CWH43: variants seen among roughly 807,000 people sequenced by gnomAD.
CWH43 encodes the protein PGAP2-interacting protein.
CWH43 carries 91 observed loss-of-function variants against 85.7 expected under a neutral mutation model. The ratio of observed to expected loss-of-function variants is 1.06; its 90% CI spans 0.90 to 1.26. The LOEUF is 1.26. Among genes scored for constraint, CWH43 ranks in the 50% most tolerant of loss-of-function variants. CWH43 has a pLI of 0.00. For synonymous variants in CWH43, 323 were observed against 293.6 expected (o/e 1.10, Z -1.02); for missense variants, 869 against 839.2 (o/e 1.04, Z -0.44).
In CWH43 at chr4:49,003,726, C is replaced by T. The variant is rs762913506; in HGVS notation, c.803-9C>T. On this transcript the variant is annotated splice_polypyrimidine_tract_variant and intron_variant, in intron 6 of 15. Coordinates refer to ENST00000226432, the MANE Select transcript of CWH43 (RefSeq NM_025087.3). ...TTTCCTGTCTGATTCTTTTCTCTCTCACAAACAGGAACAGCTTCAGCTGCG... is the reference window on the plus strand; with the variant it reads ...TTTCCTGTCTGATTCTTTTCTCTCTTACAAACAGGAACAGCTTCAGCTGCG... The T allele has an allele frequency of 3.1e-6, 5 of 1,613,298 alleles. No individual in the cohort carries two copies. The East Asian group carries it at 8.9e-5, about 29-fold the overall frequency.
chr4:49,045,503 C>A (rs1287911864), intron 14 of CWH43, among the ~76,000 whole-genome samples: 1 of 151,936 alleles, frequency 6.6e-6, no homozygotes, highest in African/African-American at 2.4e-5. Flanking sequence ...TTTATTGTAC[C>A]TTTTCTATGT....
At chr4:49,005,277 G>C (rs750132342) in intron 7 of CWH43, among the ~76,000 whole-genome samples, 6 of 152,190 alleles carry the variant, frequency 3.9e-5, no homozygotes, top group Non-Finnish European at 5.9e-5. Flanking sequence ...TAGTGGTTAA[G>C]TCAGGGCATT....
rs1782564868 is a variant in CWH43 at position 48,988,653 on chromosome 4, A to C, written c.220A>C (p.Arg74=). The change falls in exon 2 of 16, where the codon AGG becomes CGG. Residue 74 remains arginine, a synonymous_variant. Transcript: ENST00000226432. The part of the protein sequence containing the change: ...VNKKWMLTLL[R]IITIGSIASF... Reference sequence around the variant, plus strand: ...CAAGAAGTGGATGCTAACCCTGCTGAGGATAATCACTATTGGTAAGATTTA... The same window carrying C: ...CAAGAAGTGGATGCTAACCCTGCTGCGGATAATCACTATTGGTAAGATTTA... The C allele has an allele frequency of 6.2e-7, 1 of 1,601,896 alleles. No individual in the cohort carries two copies. The highest frequency in any genetic ancestry group is 1.1e-5 in the South Asian group (1 of 88,466).
intron 13 of CWH43, among the ~76,000 whole-genome samples, chr4:49,043,887 T>A (rs1784543059): frequency 6.6e-6 from 1 of 152,024 alleles, no homozygotes; most frequent in South Asian, 2.1e-4. Context: ...AAGGTATATG[T>A]ATGTGTGTAT....
intron 10 of CWH43, 24 bp from the exon 11 acceptor site, chr4:49,030,801 T>A: frequency 6.5e-7 from 1 of 1,548,640 alleles, no homozygotes; most frequent in South Asian, 1.3e-5. Flanking sequence ...CATCACTGTA[T>A]GCTACTTTTT....
In CWH43 at chr4:49,028,284, T is replaced by C. The variant is rs192900303; in HGVS notation, c.1267-345T>C. Among the ~76,000 whole-genome samples, 1,151 of 152,288 alleles carry C rather than the reference T, an allele frequency of 7.6e-3. 22 individuals are homozygous for C. The highest frequency in any genetic ancestry group is 0.014 in the Middle Eastern group (4 of 294). On this transcript the variant is annotated intron_variant, in intron 9 of 15. Coordinates refer to ENST00000226432, the MANE Select transcript of CWH43 (RefSeq NM_025087.3). Reference sequence around the variant, plus strand: ...AGCCCTAATTCATTTATTAGGGCTGTGTAGTGTTCCATTCCACATAGCACC... The same window carrying C: ...AGCCCTAATTCATTTATTAGGGCTGCGTAGTGTTCCATTCCACATAGCACC...
At chr4:48,996,635 C>T (rs1240071189) in intron 5 of CWH43, among the ~76,000 whole-genome samples, 1 of 152,164 alleles carries the variant, frequency 6.6e-6, no homozygotes, top group Non-Finnish European at 1.5e-5. Context: ...CCTGTGAAAA[C>T]AAGCATAAGT....
intron 7 of CWH43, among the ~76,000 whole-genome samples, chr4:49,006,465 TTA>T (rs1160746994): frequency 6.6e-6 from 1 of 152,176 alleles, no homozygotes; most frequent in Non-Finnish European, 1.5e-5. Context: ...AGTTATAAAT[TTA>T]TTTCCTGGAT....
intron 9 of CWH43, 122 bp from the exon 10 acceptor site, chr4:49,028,507 A>T (rs1312917721): frequency 1.2e-5 from 7 of 608,310 alleles, no homozygotes; most frequent in Non-Finnish European, 2.0e-5. Flanking sequence ...AATGTGGGAA[A>T]ATGTCTAAGG....
chr4:48,999,723 G>A (rs1338840588), intron 6 of CWH43, among the ~76,000 whole-genome samples: 1 of 152,140 alleles, frequency 6.6e-6, no homozygotes, highest in African/African-American at 2.4e-5. Flanking sequence ...GCTTTTCCGT[G>A]TTTCAAAAAT....
chr4:48,993,185 C>G (rs1782710212), intron 4 of CWH43, among the ~76,000 whole-genome samples: 1 of 152,226 alleles, frequency 6.6e-6, no homozygotes, highest in Admixed American at 6.5e-5. Flanking sequence ...CCTGCACCTT[C>G]TCAGCCTATC....
Position 49,037,784 on chromosome 4 carries a change from C to A in CWH43, c.1659-252C>A, listed in dbSNP as rs531841757. Among the ~76,000 whole-genome samples the A allele has an allele frequency of 9.5e-4, 144 of 152,260 alleles. 1 individual carries two copies. Among genetic ancestry groups the A allele is most frequent in the African/African-American group, 3.4e-3 (140 of 41,540 alleles). ...GAACAATGCTGTATTTAGAGTAGAT[C>A]TTTAAATTGACTTGACTCCAAATGA... On this transcript the variant is annotated intron_variant, in intron 12 of 15. Transcript: ENST00000226432.
In CWH43 at chr4:48,988,565, T is replaced by C. The variant is rs1782562217; in HGVS notation, c.132T>C (p.Gly44=). The change falls in exon 2 of 16, where the codon GGT becomes GGC. Residue 44 remains glycine (G), a synonymous_variant. Coordinates refer to ENST00000226432, the MANE Select transcript of CWH43 (RefSeq NM_025087.3). ...CACTAGAACTCACTGGGCTTGAAGG[T>C]TTTAGTATAGCATTTCTTTCTCCAA... ...LQTLELTGLE[G]FSIAFLSPIF... The C allele has an allele frequency of 6.2e-7, 1 of 1,613,562 alleles. No individual in the cohort carries two copies. The highest frequency in any genetic ancestry group is 2.2e-5 in the East Asian group (1 of 44,876).
At chr4:48,987,136 T>C (rs1328478263) in intron 1 of CWH43, among the ~76,000 whole-genome samples, 1 of 152,088 alleles carries the variant, frequency 6.6e-6, no homozygotes, top group Non-Finnish European at 1.5e-5. Flanking sequence ...CCCGGTTCGT[T>C]ACAAAACAAA....
At chr4:49,061,731 A>G (rs2109857337) in intron 15 of CWH43, 81 bp from the exon 16 acceptor site, 1 of 1,120,020 alleles carries the variant, frequency 8.9e-7, no homozygotes, top group Non-Finnish European at 1.2e-6. Context: ...TTATTTTATG[A>G]TTGAAATTTT....
Position 48,988,471 on chromosome 4 carries a change from T to G in CWH43, c.44-6T>G. Reference sequence around the variant, plus strand: ...TTTCTCTCTTTAACTTTTTTTTTTTTTGTAGGATGTGTTTCTTGGTCTCTC... The same window carrying G: ...TTTCTCTCTTTAACTTTTTTTTTTTGTGTAGGATGTGTTTCTTGGTCTCTC... On this transcript the variant is annotated splice_polypyrimidine_tract_variant and splice_region_variant and intron_variant, in intron 1 of 15. Coordinates refer to ENST00000226432, the MANE Select transcript of CWH43 (RefSeq NM_025087.3). 6.4e-7 allele frequency: 1 copy of G among 1,557,550 alleles called. No homozygotes were observed. Among genetic ancestry groups the G allele is most frequent in the Non-Finnish European group, 8.6e-7 (1 of 1,158,000 alleles).
chr4:49,034,722 T>C (rs748645855), intron 12 of CWH43, among the ~76,000 whole-genome samples: 1 of 152,212 alleles, frequency 6.6e-6, no homozygotes, highest in Non-Finnish European at 1.5e-5. Flanking sequence ...TGAAATCTAA[T>C]TCATTAACTA....
At chr4:49,000,188 G>A (rs1376086235) in intron 6 of CWH43, among the ~76,000 whole-genome samples, 2 of 152,172 alleles carry the variant, frequency 1.3e-5, no homozygotes, top group Non-Finnish European at 2.9e-5. Context: ...GTGGGTTTGA[G>A]AGACTGTATC....
intron 4 of CWH43, among the ~76,000 whole-genome samples, chr4:48,993,027 T>A (rs1577652022): frequency 6.6e-6 from 1 of 152,204 alleles, no homozygotes; most frequent in Non-Finnish European, 1.5e-5. Flanking sequence ...TACAGCCTGA[T>A]AAAGATCTGA....
Sources: gnomAD v4.1 joint callset for allele counts (sites outside exome capture counted in the v4.1 genomes callset) on GRCh38, gnomAD v4.1.1 for gene constraint, MANE v1.5 for transcripts, NCBI Gene and HGNC (gene_info 2026-07-23, HGNC 2026-07-21) for gene names.